The following PRUNE2 variants were observed in gnomAD, a reference collection of about 807,000 sequenced individuals.
PRUNE2 encodes prune homolog 2 with BCH domain.
Under a neutral mutation model 252.0 loss-of-function variants are expected in PRUNE2, and 164 were observed. The ratio of observed to expected loss-of-function variants is 0.65; its 90% CI spans 0.57 to 0.74. PRUNE2 has a LOEUF of 0.74. Ranked by LOEUF, PRUNE2 falls within the 30% of genes least tolerant of loss-of-function variation. The pLI, the probability that PRUNE2 is intolerant of heterozygous loss-of-function variation, is 0.00. For synonymous variants in PRUNE2, 1,292 were observed against 1,350.2 expected, an observed-to-expected ratio of 0.96 and a Z score of 0.94; for missense variants, 3,495 against 3,711.0, an observed-to-expected ratio of 0.94 and a Z score of 1.51.
intron 1 of PRUNE2, among the ~76,000 whole-genome samples, chr9:76,893,753 A>C (rs772227279): frequency 1.3e-5 from 2 of 152,222 alleles, no homozygotes; most frequent in African/African-American, 2.4e-5. Context: ...GAATTTTTCA[A>C]AACATTTTAA....
At chr9:76,821,399 G>A (rs1424724258) in intron 6 of PRUNE2, among the ~76,000 whole-genome samples, 1 of 152,184 alleles carries the variant, frequency 6.6e-6, no homozygotes, top group Non-Finnish European at 1.5e-5. Flanking sequence ...TCAAATATGA[G>A]TAGGGATTGG....
chr9:76,840,267 C>G (rs1361492400), intron 4 of PRUNE2, among the ~76,000 whole-genome samples: 1 of 152,152 alleles, frequency 6.6e-6, no homozygotes, highest in African/African-American at 2.4e-5. Context: ...TTTTGCATAT[C>G]AAGGAACACA....
rs367791689 is a variant in PRUNE2, at chr9:76,854,226, G to T, written c.37-18C>A. 7 of 1,395,242 alleles carry T rather than the reference G, an allele frequency of 5.0e-6. No homozygotes were observed. The highest frequency in any genetic ancestry group is 7.0e-6 in the Non-Finnish European group (7 of 995,790). The allele number at this position is 1,395,242 out of a possible 1,614,324, so 86.4% of individuals were successfully genotyped here. ...CTTCGATTCTGAAACAAATTCAAAG[G>T]AAACATCACAATTTAACAGGTGACA... On this transcript the variant is annotated intron_variant, in intron 1 of 18. Coordinates refer to ENST00000376718, the MANE Select transcript of PRUNE2 (RefSeq NM_015225.3).
chr9:76,671,851 C>A (rs1402075840), intron 9 of PRUNE2, among the ~76,000 whole-genome samples: 1 of 151,636 alleles, frequency 6.6e-6, no homozygotes, highest in Non-Finnish European at 1.5e-5. Context: ...CAAGCAAATG[C>A]TGAGAGATTT....
rs762256491 is a variant in PRUNE2, at chr9:76,711,385, C to T, written c.916-27G>A. On this transcript the variant is annotated intron_variant, in intron 7 of 18. Coordinates refer to ENST00000376718, the MANE Select transcript of PRUNE2 (RefSeq NM_015225.3). ...TGTCGGAAGGCACAGGAATTTGTGT[C>T]AGCACTCAAGCACTGTTGCACTTTG... 1.1e-5 allele frequency: 17 copies of T among 1,542,842 alleles called. No individual in the cohort carries two copies. In the East Asian group the frequency reaches 3.6e-4, roughly 33 times the overall value.
chr9:76,854,595 T>A (rs2060139893), intron 1 of PRUNE2, among the ~76,000 whole-genome samples: 1 of 152,210 alleles, frequency 6.6e-6, no homozygotes, highest in South Asian at 2.1e-4. Context: ...ACTTTTTTCA[T>A]ATGTGTCTGG....
Position 76,705,435 on chromosome 9 carries a change from A to G in PRUNE2, c.6839T>C (p.Leu2280Ser), listed in dbSNP as rs2046242552. 2 of 1,613,898 alleles carry G rather than the reference A, an allele frequency of 1.2e-6. No homozygotes were observed. Among genetic ancestry groups the G allele is most frequent in the South Asian group, 2.2e-5 (2 of 91,090 alleles). Residue 2280 changes from leucine (L) to serine (S), a missense_variant, in exon 8 of 19, where the codon TTG (leucine) becomes TCG (serine). Coordinates refer to ENST00000376718, the MANE Select transcript of PRUNE2 (RefSeq NM_015225.3). Reference protein sequence around the residue: ...DPHLSTENPALVPDALLASDT... With the variant: ...DPHLSTENPASVPDALLASDT... The stretch of plus-strand genomic sequence containing the variant: ...TGAGGCTAGCAAAGCATCAGGAACC[A>G]AGGCAGGATTCTCTGTGGATAAATG...
At chr9:76,899,001 A>C (rs746695658) in intron 1 of PRUNE2, among the ~76,000 whole-genome samples, 1 of 152,234 alleles carries the variant, frequency 6.6e-6, no homozygotes, top group Admixed American at 6.5e-5. Flanking sequence ...TGAGGTCTGC[A>C]GTGCCAGGGC....
chr9:76,642,001 T>TAAAAAAAAAAAAAAAAAGAA, intron 12 of PRUNE2: 2 of 1,010,452 alleles, frequency 2.0e-6, no homozygotes, highest in South Asian at 3.4e-5. Flanking sequence ...ATAAGAGAAG[T>TAAAAAAAAAAAAAAAAAGAA]AAAAAAAAAA....
At chr9:76,834,542 T>A (rs942931550) in intron 4 of PRUNE2, among the ~76,000 whole-genome samples, 3 of 152,156 alleles carry the variant, frequency 2.0e-5, no homozygotes, top group African/African-American at 7.2e-5. Context: ...TTTCTTTGAT[T>A]TGGGGATCTT....
intron 10 of PRUNE2, among the ~76,000 whole-genome samples, chr9:76,654,777 A>G (rs1437723608): frequency 2.0e-5 from 3 of 152,182 alleles, no homozygotes; most frequent in Admixed American, 6.6e-5. Flanking sequence ...TGAAGAATGC[A>G]TTTCAAATAC....
Position 76,612,305 on chromosome 9 carries a change from T to C in PRUNE2, c.*2265A>G, listed in dbSNP as rs1225624602. 6.6e-6 allele frequency: 1 copy of C among 152,136 alleles called. No individual in the cohort carries two copies. Among genetic ancestry groups the C allele is most frequent in the Non-Finnish European group, 1.5e-5 (1 of 68,034 alleles). 9.4% of individuals were successfully genotyped at this position (152,136 alleles called of 1,614,324 possible). The stretch of plus-strand genomic sequence containing the variant: ...ATGAGCTGGACAAGTTAAAAATATA[T>C]ATATAAATGGTGAGATTGTTGCTGT... On this transcript the variant is annotated 3_prime_UTR_variant, in exon 19 of 19. Coordinates refer to ENST00000376718, the MANE Select transcript of PRUNE2 (RefSeq NM_015225.3).
At chr9:76,627,957 C>G (rs1195620599) in intron 16 of PRUNE2, 4 of 221,202 alleles carry the variant, frequency 1.8e-5, no homozygotes. Flanking sequence ...TAGGCTGGGC[C>G]TTTTTAATTA....
Position 76,706,389 on chromosome 9 carries a change from G to A in PRUNE2, c.5885C>T (p.Thr1962Ile). Residue 1962 changes from threonine (T) to isoleucine (I), a missense_variant, in exon 8 of 19, where the codon ACC becomes ATC. Physicochemically the swap from Thr to Ile is moderately conservative, Grantham distance 89 (BLOSUM62 -1). Transcript: ENST00000376718. ...ETPTQEQCQD[T>I]MLPVCDHPDT... The stretch of plus-strand genomic sequence containing the variant: ...CGGATGATCACAGACTGGCAGCATG[G>A]TGTCCTGACACTGCTCTTGGGTAGG... 6.2e-7 allele frequency: 1 copy of A among 1,614,010 alleles called. No homozygotes were observed. Among genetic ancestry groups the A allele is most frequent in the Non-Finnish European group, 8.5e-7 (1 of 1,179,896 alleles).
chr9:76,653,511 G>T (rs140764033), intron 10 of PRUNE2, among the ~76,000 whole-genome samples: 1 of 152,068 alleles, frequency 6.6e-6, no homozygotes, highest in Admixed American at 6.6e-5. Context: ...GTACAGATGC[G>T]ATTTTTTTTT....
At chr9:76,888,219 G>A (rs923307472) in intron 1 of PRUNE2, among the ~76,000 whole-genome samples, 2 of 152,260 alleles carry the variant, frequency 1.3e-5, no homozygotes, top group African/African-American at 4.8e-5. Flanking sequence ...AAGCAAACGC[G>A]AAGGCCATCC....
chr9:76,623,333 T>TC (rs1279157394), intron 17 of PRUNE2, among the ~76,000 whole-genome samples: 4 of 151,686 alleles, frequency 2.6e-5, no homozygotes, highest in Non-Finnish European at 5.9e-5. Context: ...TCTCGCTCTG[T>TC]CCCCAGGCTG....
chr9:76,802,277 T>C (rs1280759064), intron 6 of PRUNE2, among the ~76,000 whole-genome samples: 1 of 152,144 alleles, frequency 6.6e-6, no homozygotes, highest in African/African-American at 2.4e-5. Context: ...TTATATTAAA[T>C]CCCTAATGGC....
intron 1 of PRUNE2, chr9:76,868,806 A>T (rs925693706): frequency 8.3e-6 from 1 of 120,194 alleles, no homozygotes; most frequent in Non-Finnish European, 1.6e-5. Flanking sequence ...GTGATTCATA[A>T]ATAATTTTAC....
Sources: allele counts gnomAD v4.1 joint callset (sites outside exome capture counted in the v4.1 genomes callset), GRCh38; gene constraint gnomAD v4.1.1; transcripts MANE v1.5; gene names NCBI Gene and HGNC (gene_info 2026-07-23, HGNC 2026-07-21).